Variants in GRID2 observed in about 807,000 individuals in gnomAD.
GRID2 encodes glutamate receptor ionotropic, delta-2.
GRID2 carries 33 observed loss-of-function variants against 114.8 expected under a neutral mutation model. The ratio of observed to expected loss-of-function variants is 0.29; its 90% confidence interval spans 0.22 to 0.38. GRID2 has a LOEUF of 0.38. GRID2 is among the 10% of genes least tolerant of loss of function. GRID2 has a pLI of 1.00. For synonymous variants in GRID2, 505 were observed against 449.9 expected, an observed-to-expected ratio of 1.12 and a Z score of -1.55; for missense variants, 1,184 against 1,257.7, an observed-to-expected ratio of 0.94 and a Z score of 0.89.
chr4:92,620,523 C>A (rs954285484), intron 2 of GRID2, among the ~76,000 whole-genome samples: 1 of 151,320 alleles, frequency 6.6e-6, no homozygotes, highest in Non-Finnish European at 1.5e-5. Context: ...GGTAACTGGA[C>A]AAGTATACAA....
intron 2 of GRID2, among the ~76,000 whole-genome samples, chr4:92,905,629 G>A (rs531987850): frequency 3.6e-4 from 54 of 151,986 alleles, no homozygotes; most frequent in Non-Finnish European, 5.3e-4. Context: ...ATTTGATGAG[G>A]AAATTAATTT....
intron 2 of GRID2, among the ~76,000 whole-genome samples, chr4:92,656,928 A>G (rs62309208): frequency 0.061 from 9,286 of 151,794 alleles, 366 homozygotes; most frequent in East Asian, 0.16. Context: ...TCTGAAGCAA[A>G]GGAATATAGA....
chr4:92,616,884 T>C (rs1377701258), intron 2 of GRID2, among the ~76,000 whole-genome samples: 6 of 151,300 alleles, frequency 4.0e-5, no homozygotes, highest in Admixed American at 3.3e-4. Context: ...CTTTTGTGCA[T>C]TTTTGGCAGT....
chr4:92,327,144 A>G (rs1234849712), intron 1 of GRID2, among the ~76,000 whole-genome samples: 1 of 151,944 alleles, frequency 6.6e-6, no homozygotes, highest in Non-Finnish European at 1.5e-5. Flanking sequence ...TTGGTGCTTT[A>G]CAAATAGCTA....
chr4:92,583,059 A>G (rs922668924), intron 1 of GRID2, among the ~76,000 whole-genome samples: 1 of 152,078 alleles, frequency 6.6e-6, no homozygotes, highest in Non-Finnish European at 1.5e-5. Flanking sequence ...TTTAATGTAT[A>G]TATTGCCAGT....
At chr4:92,535,127 G>C (rs1725549293) in intron 1 of GRID2, among the ~76,000 whole-genome samples, 1 of 152,038 alleles carries the variant, frequency 6.6e-6, no homozygotes, top group African/African-American at 2.4e-5. Flanking sequence ...ATACCCTATA[G>C]ACCTAAGTTT....
chr4:93,650,963 G>A (rs115161047), intron 14 of GRID2, among the ~76,000 whole-genome samples: 7 of 152,142 alleles, frequency 4.6e-5, no homozygotes, highest in African/African-American at 1.7e-4. Context: ...TACTGAATGC[G>A]AAATGATCAG....
intron 2 of GRID2, among the ~76,000 whole-genome samples, chr4:93,050,775 A>G (rs1726637556): frequency 6.6e-6 from 1 of 151,996 alleles, no homozygotes; most frequent in East Asian, 1.9e-4. Flanking sequence ...TATCAAATTG[A>G]ACTGAGCACA....
chr4:93,684,946 TG>T (rs1165804541), intron 14 of GRID2, among the ~76,000 whole-genome samples: 1 of 151,670 alleles, frequency 6.6e-6, no homozygotes, highest in Non-Finnish European at 1.5e-5. Flanking sequence ...AATAGGTGAG[TG>T]GGGGTGGTAA....
chr4:93,539,226 A>T (rs1732408472), intron 13 of GRID2, among the ~76,000 whole-genome samples: 1 of 151,862 alleles, frequency 6.6e-6, no homozygotes, highest in East Asian at 1.9e-4. Flanking sequence ...CATCTACCAA[A>T]TCCCCATTAT....
At chr4:93,088,341 G>T (rs2149326017) in intron 3 of GRID2, among the ~76,000 whole-genome samples, 1 of 152,200 alleles carries the variant, frequency 6.6e-6, no homozygotes, top group Non-Finnish European at 1.5e-5. Context: ...ATGTCCTTCT[G>T]GAAATATTCA....
At chr4:93,755,935 G>T (rs2110295910) in intron 14 of GRID2, among the ~76,000 whole-genome samples, 1 of 152,200 alleles carries the variant, frequency 6.6e-6, no homozygotes, top group South Asian at 2.1e-4. Flanking sequence ...CACAACACAG[G>T]AGTTAAGTTA....
rs575224950 is a variant in GRID2 at position 93,224,750 on chromosome 4, G to A, written c.1100G>A (p.Arg367His). Reference sequence around the variant, plus strand: ...AACTCAAAGCCCTGGCAGGGTGGGCGCTCCATGTTGGAGACCATCAAGAAG... The same window carrying A: ...AACTCAAAGCCCTGGCAGGGTGGGCACTCCATGTTGGAGACCATCAAGAAG... ...RKNSKPWQGG[R>H]SMLETIKKGG... Residue 367 changes from arginine to histidine, a missense_variant, in exon 7 of 16, where the codon CGC becomes CAC. This residue lies in a region of GRID2 where 717 missense variants were observed against 796.9 expected (regional missense o/e 0.90). Transcript: ENST00000282020. The A allele has an allele frequency of 8.8e-5, 142 of 1,612,434 alleles. No homozygotes were observed. The highest frequency in any genetic ancestry group is 2.6e-4 in the South Asian group (24 of 91,012).
intron 2 of GRID2, among the ~76,000 whole-genome samples, chr4:93,058,000 AC>A (rs145554527): frequency 0.035 from 5,216 of 149,218 alleles, 224 homozygotes; most frequent in African/African-American, 0.11. Context: ...GACTTTACTG[AC>A]TTTTTTTCAT....
chr4:93,108,178 A>G (rs1732429382), intron 3 of GRID2, among the ~76,000 whole-genome samples: 1 of 152,164 alleles, frequency 6.6e-6, no homozygotes, highest in Non-Finnish European at 1.5e-5. Flanking sequence ...ACCTTCCTCT[A>G]AGTAAAATAT....
At chr4:92,689,045 C>CCAGT (rs2149291229) in intron 2 of GRID2, among the ~76,000 whole-genome samples, 1 of 152,186 alleles carries the variant, frequency 6.6e-6, no homozygotes, top group South Asian at 2.1e-4. Flanking sequence ...GTGATCAAGA[C>CCAGT]CAGTATCAAT....
At chr4:92,490,556 G>T (rs980617749) in intron 1 of GRID2, among the ~76,000 whole-genome samples, 1 of 152,078 alleles carries the variant, frequency 6.6e-6, no homozygotes, top group Admixed American at 6.6e-5. Flanking sequence ...TTTTACGTTG[G>T]TTTATTGTTC....
chr4:93,074,123 T>G (rs1043293151), intron 2 of GRID2, among the ~76,000 whole-genome samples: 1 of 152,214 alleles, frequency 6.6e-6, no homozygotes, highest in African/African-American at 2.4e-5. Context: ...AATAGCAGCC[T>G]GCTGCTAGAG....
intron 13 of GRID2, among the ~76,000 whole-genome samples, chr4:93,619,808 T>C (rs1001442078): frequency 6.6e-6 from 1 of 152,226 alleles, no homozygotes; most frequent in Non-Finnish European, 1.5e-5. Context: ...CATATAGAAC[T>C]GAGGAAGCTG....
Sources: allele counts gnomAD v4.1 joint callset (sites outside exome capture counted in the v4.1 genomes callset), GRCh38; gene constraint gnomAD v4.1.1; regional missense constraint gnomAD v4.1.1; transcripts MANE v1.5; gene names NCBI Gene and HGNC (gene_info 2026-07-23, HGNC 2026-07-21).